Variants in ERC2 observed in about 807,000 individuals in gnomAD.
The protein encoded by ERC2 is ELKS/RAB6-interacting/CAST family member 2.
In ERC2, 42 loss-of-function variants were observed where a neutral mutation model predicts 114.8. That is an observed-to-expected ratio of 0.37 (90% CI 0.29 to 0.47). The LOEUF (loss-of-function observed/expected upper bound fraction) is 0.47, where lower values mean the gene tolerates loss of function less well. ERC2 is among the 20% of genes least tolerant of loss of function. The pLI, the probability that ERC2 is intolerant of heterozygous loss-of-function variation, is 0.99. For missense variants in ERC2, 939 were observed against 1,150.7 expected (o/e 0.82, Z 2.66); for synonymous variants, 454 against 425.5 (o/e 1.07, Z -0.82).
intron 17 of ERC2, among the ~76,000 whole-genome samples, chr3:55,617,444 G>C (rs1018296938): frequency 5.9e-5 from 9 of 152,148 alleles, no homozygotes; most frequent in Non-Finnish European, 1.2e-4. Flanking sequence ...TTTTGGCAAG[G>C]CTGTCTCTCA....
At chr3:55,649,564 A>AT (rs111383416) in intron 17 of ERC2, among the ~76,000 whole-genome samples, 39 of 152,182 alleles carry the variant, frequency 2.6e-4, no homozygotes, top group African/African-American at 9.1e-4. Flanking sequence ...CTGGCCAATA[A>AT]TTTTTTAAAA....
intron 3 of ERC2, among the ~76,000 whole-genome samples, chr3:56,187,150 G>T (rs986619433): frequency 5.9e-5 from 9 of 152,148 alleles, no homozygotes; most frequent in African/African-American, 2.2e-4. Flanking sequence ...AGGGGGCTGG[G>T]CTTCTGTACC....
At chr3:55,567,856 A>G (rs2056471149) in intron 17 of ERC2, among the ~76,000 whole-genome samples, 2 of 152,134 alleles carry the variant, frequency 1.3e-5, no homozygotes. Flanking sequence ...GCAGCCTGGA[A>G]AATTTCCTTC....
chr3:56,365,892 T>C (rs1437386340), intron 2 of ERC2, among the ~76,000 whole-genome samples: 1 of 152,216 alleles, frequency 6.6e-6, no homozygotes, highest in Non-Finnish European at 1.5e-5. Context: ...CTTGTTCATT[T>C]AGAGTTAATT....
intron 2 of ERC2, among the ~76,000 whole-genome samples, chr3:56,303,140 A>G (rs1047680029): frequency 4.6e-5 from 7 of 152,228 alleles, no homozygotes; most frequent in Non-Finnish European, 8.8e-5. Context: ...CTGGAAAGAT[A>G]CCCTGGAGGA....
intron 17 of ERC2, among the ~76,000 whole-genome samples, chr3:55,645,153 A>T (rs756782782): frequency 1.3e-5 from 2 of 152,202 alleles, no homozygotes; most frequent in Non-Finnish European, 2.9e-5. Context: ...TTTGGAAATG[A>T]GTATATGTAT....
chr3:55,982,210 T>C (rs2070201337), intron 12 of ERC2, among the ~76,000 whole-genome samples: 1 of 152,142 alleles, frequency 6.6e-6, no homozygotes, highest in African/African-American at 2.4e-5. Context: ...AAACCGAGGA[T>C]TGAACAGAAC....
chr3:55,704,025 C>T (rs781778186), intron 15 of ERC2, among the ~76,000 whole-genome samples: 8 of 152,180 alleles, frequency 5.3e-5, no homozygotes, highest in South Asian at 4.1e-4. Flanking sequence ...TATCCCCTAG[C>T]GTTTGGGGGA....
intron 3 of ERC2, among the ~76,000 whole-genome samples, chr3:56,243,453 C>T (rs2150210211): frequency 6.6e-6 from 1 of 152,272 alleles, no homozygotes; most frequent in South Asian, 2.1e-4. Context: ...GTTCAGAGGT[C>T]CTGGGGCAAT....
chr3:56,135,112 C>T lies in ERC2; in HGVS notation c.1473+4397G>A, dbSNP rs140323907. Reference sequence around the variant, plus strand: ...GGACTACAGGCCCGTACCACCACGTCCAGCTAATTTTTGTATTATTAGTAG... The same window carrying T: ...GGACTACAGGCCCGTACCACCACGTTCAGCTAATTTTTGTATTATTAGTAG... On this transcript the variant is annotated intron_variant, in intron 6 of 17. Transcript: ENST00000288221. Among the ~76,000 whole-genome samples, 80 of 152,040 alleles carry T rather than the reference C, an allele frequency of 5.3e-4. No individual in the cohort carries two copies. The East Asian group carries it at 0.013, about 25-fold the overall frequency.
chr3:55,663,259 C>A (rs2061214926), intron 17 of ERC2, among the ~76,000 whole-genome samples: 1 of 152,164 alleles, frequency 6.6e-6, no homozygotes, highest in African/African-American at 2.4e-5. Flanking sequence ...AAATCCTAAC[C>A]CTACACAGCC....
intron 5 of ERC2, among the ~76,000 whole-genome samples, chr3:56,141,754 T>C (rs957527628): frequency 6.6e-6 from 1 of 152,192 alleles, no homozygotes; most frequent in African/African-American, 2.4e-5. Context: ...ATTAATGAAA[T>C]TTTTAACCTT....
At chr3:55,857,482 T>C (rs2061840889) in intron 14 of ERC2, among the ~76,000 whole-genome samples, 1 of 152,196 alleles carries the variant, frequency 6.6e-6, no homozygotes, top group African/African-American at 2.4e-5. Flanking sequence ...ATCAATCACA[T>C]TCATAGTGTT....
At chr3:55,553,391 C>A (rs1243589164) in intron 17 of ERC2, among the ~76,000 whole-genome samples, 1 of 151,946 alleles carries the variant, frequency 6.6e-6, no homozygotes, top group East Asian at 1.9e-4. Flanking sequence ...ATGCTGAACA[C>A]CCCACATTAA....
chr3:55,961,793 A>T (rs2068390422), intron 12 of ERC2, among the ~76,000 whole-genome samples: 1 of 151,748 alleles, frequency 6.6e-6, no homozygotes, highest in African/African-American at 2.4e-5. Context: ...ACTTTCTATT[A>T]AAAAAAATTC....
chr3:55,645,984 T>A (rs994484116), intron 17 of ERC2, among the ~76,000 whole-genome samples: 1 of 152,180 alleles, frequency 6.6e-6, no homozygotes, highest in Non-Finnish European at 1.5e-5. Flanking sequence ...TTCAGGCAAG[T>A]GTAGGTTAAA....
intron 2 of ERC2, among the ~76,000 whole-genome samples, chr3:56,368,781 T>G (rs1276479340): frequency 6.6e-6 from 1 of 151,024 alleles, no homozygotes; most frequent in Non-Finnish European, 1.5e-5. Context: ...TCGTCCTAAA[T>G]AGCATCTTTA....
At chr3:55,809,414 T>C (rs1031754753) in intron 14 of ERC2, among the ~76,000 whole-genome samples, 3 of 152,030 alleles carry the variant, frequency 2.0e-5, no homozygotes, top group African/African-American at 7.2e-5. Flanking sequence ...AGCTTATGCA[T>C]AGCAAAGGAA....
chr3:55,684,087 A>G (rs1257528957), intron 16 of ERC2, among the ~76,000 whole-genome samples: 1 of 152,216 alleles, frequency 6.6e-6, no homozygotes, highest in Non-Finnish European at 1.5e-5. Context: ...ACACAAAAAC[A>G]TTCCACCCAC....
Sources: allele counts gnomAD v4.1 joint callset (sites outside exome capture counted in the v4.1 genomes callset), GRCh38; gene constraint gnomAD v4.1.1; transcripts MANE v1.5; gene names NCBI Gene and HGNC (gene_info 2026-07-23, HGNC 2026-07-21).